RIMS2: variants seen among roughly 807,000 people sequenced by gnomAD.
RIMS2 encodes the protein regulating synaptic membrane exocytosis protein 2.
RIMS2 carries 59 observed loss-of-function variants against 174.4 expected under a neutral mutation model. The observed-to-expected ratio is 0.34, with a 90% confidence interval of 0.27 to 0.42. The LOEUF is 0.42. RIMS2 is among the 10% of genes least tolerant of loss of function. The pLI, the probability that RIMS2 is intolerant of heterozygous loss-of-function variation, is 1.00. For synonymous variants in RIMS2, 606 were observed against 572.5 expected (o/e 1.06, Z -0.84); for missense variants, 1,620 against 1,666.3 (o/e 0.97, Z 0.48).
At chr8:103,647,204 T>C (rs1283940022) in intron 1 of RIMS2, among the ~76,000 whole-genome samples, 1 of 152,208 alleles carries the variant, frequency 6.6e-6, no homozygotes, top group Non-Finnish European at 1.5e-5. Context: ...GTGGATATGC[T>C]TTTTTATGTG....
intron 17 of RIMS2, among the ~76,000 whole-genome samples, chr8:103,995,181 C>T (rs1425680319): frequency 1.3e-5 from 2 of 151,944 alleles, no homozygotes; most frequent in African/African-American, 4.8e-5. Flanking sequence ...AGAGAAGGCT[C>T]ATCGTGAAAA....
intron 2 of RIMS2, among the ~76,000 whole-genome samples, chr8:103,761,035 A>G (rs1016424423): frequency 6.6e-6 from 1 of 152,222 alleles, no homozygotes; most frequent in South Asian, 2.1e-4. Context: ...TGTAGTGAAT[A>G]TATTATAGTC....
At chr8:104,149,339 C>T (rs2098670470) in intron 19 of RIMS2, among the ~76,000 whole-genome samples, 1 of 152,202 alleles carries the variant, frequency 6.6e-6, no homozygotes, top group African/African-American at 2.4e-5. Context: ...TATCAATTTT[C>T]TCACTGCAAT....
At chr8:104,051,023 G>A (rs543653768) in intron 19 of RIMS2, among the ~76,000 whole-genome samples, 205 of 152,152 alleles carry the variant, frequency 1.3e-3, no homozygotes, top group Non-Finnish European at 2.4e-3. Flanking sequence ...GATCACTTGC[G>A]TCCAGGAGTT....
intron 2 of RIMS2, among the ~76,000 whole-genome samples, chr8:103,740,752 C>T (rs563197263): frequency 2.0e-5 from 3 of 152,240 alleles, no homozygotes; most frequent in East Asian, 1.9e-4. Context: ...AAAACTGTTA[C>T]AGCCTCTTTA....
chr8:103,809,288 C>T (rs1372935569), intron 3 of RIMS2, among the ~76,000 whole-genome samples: 1 of 151,402 alleles, frequency 6.6e-6, no homozygotes, highest in African/African-American at 2.4e-5. Flanking sequence ...AGGAAAACTT[C>T]CTCTGAACTT....
At chr8:103,773,007 G>A (rs2098270884) in intron 3 of RIMS2, among the ~76,000 whole-genome samples, 1 of 152,010 alleles carries the variant, frequency 6.6e-6, no homozygotes, top group Non-Finnish European at 1.5e-5. Context: ...AGAAAATATT[G>A]GAGAATATTA....
chr8:103,940,642 G>A (rs563869746), intron 13 of RIMS2, among the ~76,000 whole-genome samples: 5 of 152,038 alleles, frequency 3.3e-5, no homozygotes, highest in East Asian at 1.9e-4. Flanking sequence ...TTGGGAGGCC[G>A]AGGGGGGCAG....
intron 1 of RIMS2, among the ~76,000 whole-genome samples, chr8:103,623,954 T>G (rs1437083716): frequency 1.3e-5 from 2 of 151,950 alleles, no homozygotes; most frequent in Non-Finnish European, 2.9e-5. Flanking sequence ...AAAAGAAATT[T>G]AAGAGGGAAA....
At chr8:103,600,912 A>G (rs961419868) in intron 1 of RIMS2, among the ~76,000 whole-genome samples, 1 of 152,036 alleles carries the variant, frequency 6.6e-6, no homozygotes, top group Non-Finnish European at 1.5e-5. Context: ...GAGAGATCCC[A>G]TTGTAGTTTT....
At chr8:103,624,833 ATCT>A (rs1279504743) in intron 1 of RIMS2, among the ~76,000 whole-genome samples, 1 of 152,142 alleles carries the variant, frequency 6.6e-6, no homozygotes, top group Non-Finnish European at 1.5e-5. Flanking sequence ...CTTTATACAT[ATCT>A]GTATTTTCTG....
chr8:103,947,743 T>C (rs2084172671), intron 14 of RIMS2, among the ~76,000 whole-genome samples: 1 of 152,186 alleles, frequency 6.6e-6, no homozygotes, highest in African/African-American at 2.4e-5. Flanking sequence ...TATACTATAG[T>C]AGACTTTATA....
Position 103,823,710 on chromosome 8 carries a change from A to G in RIMS2, c.698+57173A>G, listed in dbSNP as rs1003325545. Among the ~76,000 whole-genome samples, 3 of 152,036 alleles carry G rather than the reference A, an allele frequency of 2.0e-5. No homozygotes were observed. The South Asian group carries it at 6.2e-4, about 32-fold the overall frequency. ...GTGTTCAGGAATTTTGGCACAGATA[A>G]TGATTCTTCATCATGGTACGTTAAT... is the stretch of plus-strand genomic sequence containing the variant. On this transcript the variant is annotated intron_variant, in intron 3 of 23. Transcript: ENST00000504942.
intron 1 of RIMS2, among the ~76,000 whole-genome samples, chr8:103,587,459 A>C (rs60640443): frequency 0.032 from 3,832 of 118,560 alleles, 73 homozygotes; most frequent in African/African-American, 0.039. Flanking sequence ...AAAGAAAGAA[A>C]GAAAGAAAGA....
intron 17 of RIMS2, among the ~76,000 whole-genome samples, chr8:103,996,182 A>T (rs1368300869): frequency 6.6e-6 from 1 of 151,928 alleles, no homozygotes; most frequent in African/African-American, 2.4e-5. Flanking sequence ...AAATGAGGCC[A>T]AATGGATAGA....
rs151012121 is a variant in RIMS2, at chr8:103,670,208, T to C, written c.177-26878T>C. Reference sequence around the variant, plus strand: ...GCTGTACCTTGGCCCTTTTTAAACATGGCTAGAGCAGCTGGGATGCAGGGC... The same window carrying C: ...GCTGTACCTTGGCCCTTTTTAAACACGGCTAGAGCAGCTGGGATGCAGGGC... On this transcript the variant is annotated intron_variant, in intron 1 of 23. Coordinates refer to ENST00000504942, the Ensembl canonical transcript of RIMS2. Among the ~76,000 whole-genome samples, 42 of 152,342 alleles carry C rather than the reference T, an allele frequency of 2.8e-4. No individual in the cohort carries two copies. In the East Asian group the frequency reaches 7.5e-3, roughly 27 times the overall value.
chr8:103,924,833 T>C (rs1349758273), intron 10 of RIMS2, among the ~76,000 whole-genome samples: 1 of 151,656 alleles, frequency 6.6e-6, no homozygotes. Context: ...GTATGCAATT[T>C]ATTTTTTCTC....
intron 1 of RIMS2, among the ~76,000 whole-genome samples, chr8:103,598,069 G>A (rs535870181): frequency 2.0e-5 from 3 of 152,222 alleles, no homozygotes; most frequent in African/African-American, 7.2e-5. Context: ...AGCCTTAGCT[G>A]CTTTCATAGT....
chr8:103,644,403 A>T (rs1301683074), intron 1 of RIMS2, among the ~76,000 whole-genome samples: 2 of 151,968 alleles, frequency 1.3e-5, no homozygotes, highest in Non-Finnish European at 2.9e-5. Flanking sequence ...TGAGGATGGG[A>T]GTGATAATTT....
Sources: gnomAD v4.1 joint callset for allele counts (sites outside exome capture counted in the v4.1 genomes callset) on GRCh38, gnomAD v4.1.1 for gene constraint, MANE v1.5 for transcripts, NCBI Gene and HGNC (gene_info 2026-07-23, HGNC 2026-07-21) for gene names.